CDK14: variants seen among roughly 807,000 people sequenced by gnomAD.
CDK14 encodes cyclin-dependent kinase 14.
CDK14 carries 34 observed loss-of-function variants against 60.7 expected under a neutral mutation model. That is an observed-to-expected ratio of 0.56 (90% CI 0.43 to 0.75). CDK14 has a LOEUF of 0.75. CDK14 is among the 30% of genes least tolerant of loss of function. The probability of loss-of-function intolerance (pLI) is 0.00; values close to 1 mark genes in which losing one functional copy is unlikely to be tolerated. For synonymous variants in CDK14, 197 were observed against 203.7 expected (o/e 0.97, Z 0.28); for missense variants, 482 against 564.1 (o/e 0.85, Z 1.47).
intron 12 of CDK14, among the ~76,000 whole-genome samples, chr7:91,087,232 T>C (rs895068685): frequency 2.6e-5 from 4 of 152,346 alleles, no homozygotes; most frequent in Admixed American, 1.3e-4. Flanking sequence ...TTTCTATTCA[T>C]TGTGAGGATA....
rs527959807 is a variant in CDK14 at position 91,013,664 on chromosome 7, T to G, written c.1041+29423T>G. Among the ~76,000 whole-genome samples, 4 of 151,150 alleles carry G rather than the reference T, an allele frequency of 2.6e-5. 1 individual carries two copies. The highest frequency in any genetic ancestry group is 2.0e-4 in the Admixed American group (3 of 15,200). On this transcript the variant is annotated intron_variant, in intron 10 of 14. Coordinates refer to ENST00000380050, the MANE Select transcript of CDK14 (RefSeq NM_001287135.2). ...ACGGTCTCATTGCCTCTGTTTTTTT[T>G]TTTTTTTTTTTCTTTTTTTCTCTAC...
chr7:90,673,491 G>A (rs1170103192), intron 2 of CDK14, among the ~76,000 whole-genome samples: 1 of 143,864 alleles, frequency 7.0e-6, no homozygotes. Flanking sequence ...GCACAGTCAC[G>A]GCTCACTGCA....
chr7:90,599,661 C>G (rs1052011463), intron 1 of CDK14, among the ~76,000 whole-genome samples: 2 of 152,140 alleles, frequency 1.3e-5, no homozygotes, highest in African/African-American at 4.8e-5. Flanking sequence ...ATGAGGAGAT[C>G]GAAGAGTGAA....
chr7:91,173,165 C>T (rs957986066), intron 14 of CDK14, among the ~76,000 whole-genome samples: 8 of 19,284 alleles, frequency 4.1e-4, no homozygotes, highest in African/African-American at 2.3e-3. Context: ...TTACTGGTGT[C>T]AGAAAAGCCT....
Position 91,053,656 on chromosome 7 carries a change from C to T in CDK14, c.1105+7696C>T, listed in dbSNP as rs557413348. On this transcript the variant is annotated intron_variant, in intron 11 of 14. Coordinates refer to ENST00000380050, the MANE Select transcript of CDK14 (RefSeq NM_001287135.2). ...CTTAACACATACTATCGGAACTGCCCACTTTCCTCATTTGCAGATGTGAGG... is the reference window on the plus strand; with the variant it reads ...CTTAACACATACTATCGGAACTGCCTACTTTCCTCATTTGCAGATGTGAGG... Among the ~76,000 whole-genome samples the T allele has an allele frequency of 3.0e-4, 46 of 152,326 alleles. No homozygotes were observed. The South Asian group carries it at 9.1e-3, about 30-fold the overall frequency.
intron 5 of CDK14, among the ~76,000 whole-genome samples, chr7:90,848,447 G>A (rs145121980): frequency 4.7e-4 from 71 of 152,314 alleles, no homozygotes; most frequent in African/African-American, 1.6e-3. Context: ...TAGAAGCCTG[G>A]CAGTATGGCC....
intron 5 of CDK14, among the ~76,000 whole-genome samples, chr7:90,836,518 T>A (rs754368246): frequency 3.3e-5 from 5 of 152,130 alleles, no homozygotes; most frequent in Non-Finnish European, 7.3e-5. Context: ...GGAGCTGTCA[T>A]CTCCTATTAT....
chr7:91,050,521 TATC>T (rs980254014), intron 11 of CDK14, among the ~76,000 whole-genome samples: 2 of 152,268 alleles, frequency 1.3e-5, no homozygotes, highest in African/African-American at 4.8e-5. Flanking sequence ...ATAACCTGTA[TATC>T]TTCTTCTGTG....
chr7:90,901,789 GA>G lies in CDK14; in HGVS notation c.702+2442del, dbSNP rs558395391. Reference sequence around the variant, plus strand: ...AGTAATCAGCCAAGAGAAAAAAATGGAAAAAATCCAAATTGGAAAAGAAGTC... The same window carrying G: ...AGTAATCAGCCAAGAGAAAAAAATGGAAAAATCCAAATTGGAAAAGAAGTC... On this transcript the variant is annotated intron_variant, in intron 7 of 14. Transcript: ENST00000380050. 2.5e-4 allele frequency among the ~76,000 whole-genome samples: 38 copies of G among 151,752 alleles called. 1 individual carries two copies. In the South Asian group the frequency reaches 5.4e-3, roughly 22 times the overall value.
chr7:90,731,031 A>G (rs1172032996), intron 3 of CDK14, among the ~76,000 whole-genome samples: 1 of 152,172 alleles, frequency 6.6e-6, no homozygotes, highest in Non-Finnish European at 1.5e-5. Context: ...AATTTTGTAT[A>G]AGGTGTAAGC....
rs1793569385 is a variant in CDK14 at position 90,930,797 on chromosome 7, T to A, written c.826+13073T>A. ...ACTTTGTTTTATCCTTATAATCCTG[T>A]GGAGTAGAGAGTGCAGGTCTCATTA... On this transcript the variant is annotated intron_variant, in intron 8 of 14. Transcript: ENST00000380050. Among the ~76,000 whole-genome samples, 3 of 152,138 alleles carry A rather than the reference T, an allele frequency of 2.0e-5. No homozygotes were observed. The South Asian group carries it at 6.2e-4, about 32-fold the overall frequency.
chr7:90,870,372 A>G (rs1019493734), intron 6 of CDK14, among the ~76,000 whole-genome samples: 34 of 152,198 alleles, frequency 2.2e-4, no homozygotes, highest in African/African-American at 7.2e-4. Context: ...GGAGAGGATG[A>G]GGAAAAATAA....
intron 10 of CDK14, among the ~76,000 whole-genome samples, chr7:91,032,813 G>A (rs948435337): frequency 2.0e-5 from 3 of 152,134 alleles, no homozygotes; most frequent in Middle Eastern, 3.2e-3. Context: ...CAGCAGTCAC[G>A]GGAAATCAAT....
chr7:90,866,990 A>G (rs1791214835), intron 6 of CDK14, among the ~76,000 whole-genome samples: 2 of 152,184 alleles, frequency 1.3e-5, no homozygotes, highest in Admixed American at 1.3e-4. Context: ...GGAACCCCTT[A>G]GGAAATGTGC....
intron 2 of CDK14, among the ~76,000 whole-genome samples, chr7:90,624,252 G>T (rs1799831282): frequency 6.6e-6 from 1 of 152,094 alleles, no homozygotes; most frequent in South Asian, 2.1e-4. Flanking sequence ...GAAAAGGTCA[G>T]GATTTAAAGA....
At chr7:90,730,469 C>G (rs1033808103) in intron 3 of CDK14, among the ~76,000 whole-genome samples, 9 of 152,168 alleles carry the variant, frequency 5.9e-5, no homozygotes, top group African/African-American at 2.2e-4. Context: ...TACACTCCCA[C>G]CAATAGTGTA....
intron 14 of CDK14, among the ~76,000 whole-genome samples, chr7:91,145,730 A>C (rs1368674849): frequency 2.0e-5 from 3 of 152,174 alleles, no homozygotes; most frequent in Admixed American, 6.5e-5. Flanking sequence ...AGGCAACAAG[A>C]AGCTGCTCAT....
At chr7:91,126,974 C>T (rs910544163) in intron 14 of CDK14, among the ~76,000 whole-genome samples, 3 of 151,970 alleles carry the variant, frequency 2.0e-5, no homozygotes, top group Admixed American at 6.6e-5. Flanking sequence ...CAGGAGCTGT[C>T]GAAAAATGCC....
At chr7:91,071,544 C>G (rs1562892165) in intron 11 of CDK14, among the ~76,000 whole-genome samples, 1 of 152,220 alleles carries the variant, frequency 6.6e-6, no homozygotes, top group Admixed American at 6.5e-5. Flanking sequence ...ATCGGAAGAT[C>G]CCACTCATGA....
Sources: gnomAD v4.1 joint callset for allele counts (sites outside exome capture counted in the v4.1 genomes callset) on GRCh38, gnomAD v4.1.1 for gene constraint, MANE v1.5 for transcripts, NCBI Gene and HGNC (gene_info 2026-07-23, HGNC 2026-07-21) for gene names.